Variants in FGD6 observed in about 807,000 individuals in gnomAD.
FGD6 encodes FYVE, RhoGEF and PH domain containing 6.
FGD6 carries 90 observed loss-of-function variants against 149.4 expected under a neutral mutation model. The ratio of observed to expected loss-of-function variants is 0.60; its 90% CI spans 0.51 to 0.72. The LOEUF is 0.72. Among genes scored for constraint, FGD6 ranks in the 30% least tolerant of loss-of-function variants. The pLI, the probability that FGD6 is intolerant of heterozygous loss-of-function variation, is 0.00. For synonymous variants in FGD6, 527 were observed against 584.0 expected, an observed-to-expected ratio of 0.90 and a Z score of 1.41; for missense variants, 1,437 against 1,684.8, an observed-to-expected ratio of 0.85 and a Z score of 2.57.
At chr12:95,140,294 A>G (rs1316665649) in intron 6 of FGD6, among the ~76,000 whole-genome samples, 1 of 152,196 alleles carries the variant, frequency 6.6e-6, no homozygotes, top group Non-Finnish European at 1.5e-5. Flanking sequence ...GTAGCTTCCA[A>G]TACCAACCTT....
At chr12:95,207,420 T>G (rs1446334242) in intron 2 of FGD6, among the ~76,000 whole-genome samples, 1 of 152,188 alleles carries the variant, frequency 6.6e-6, no homozygotes, top group Non-Finnish European at 1.5e-5. Context: ...TGCCAAGTAT[T>G]TTCTAGAAAA....
chr12:95,189,949 C>G (rs1434653025), intron 2 of FGD6, among the ~76,000 whole-genome samples: 2 of 152,160 alleles, frequency 1.3e-5, no homozygotes, highest in African/African-American at 4.8e-5. Context: ...TACTAACTTT[C>G]ATTGTAAAAG....
At chr12:95,149,330 A>AATATATTATATAATATATAGCAT in intron 5 of FGD6, among the ~76,000 whole-genome samples, 1 of 90,576 alleles carries the variant, frequency 1.1e-5, no homozygotes, top group African/African-American at 4.4e-5. Context: ...TATATTATAT[A>AATATATTATATAATATATAGCAT]ATATATTATA....
intron 2 of FGD6, among the ~76,000 whole-genome samples, chr12:95,174,880 C>T (rs1028016921): frequency 1.5e-4 from 21 of 139,188 alleles, no homozygotes; most frequent in Non-Finnish European, 2.7e-4. Context: ...TGAGCCGAGG[C>T]TGCACCACTG....
chr12:95,142,125 G>C (rs1231109827), intron 5 of FGD6, among the ~76,000 whole-genome samples: 2 of 148,686 alleles, frequency 1.3e-5, no homozygotes, highest in African/African-American at 4.9e-5. Context: ...GTGCCACCAT[G>C]CCAGGCTCAC....
chr12:95,143,741 T>C (rs540855276), intron 5 of FGD6, among the ~76,000 whole-genome samples: 2 of 152,344 alleles, frequency 1.3e-5, no homozygotes, highest in Admixed American at 6.5e-5. Context: ...TCTGCTATCA[T>C]GCAGGGCTAT....
chr12:95,118,933 C>A (rs1376106375), intron 8 of FGD6, among the ~76,000 whole-genome samples: 2 of 152,148 alleles, frequency 1.3e-5, no homozygotes, highest in African/African-American at 4.8e-5. Context: ...AACATACTGA[C>A]ACTTCAAGGC....
intron 3 of FGD6, among the ~76,000 whole-genome samples, chr12:95,154,133 T>C (rs535690275): frequency 3.3e-5 from 5 of 152,206 alleles, no homozygotes; most frequent in Admixed American, 3.3e-4. Context: ...CTAATTTTTT[T>C]GTACTTTTAG....
rs953559587 is a variant in FGD6 at position 95,079,648 on chromosome 12, A to G, written c.*1872T>C. 2.0e-5 allele frequency: 3 copies of G among 152,212 alleles called. No homozygotes were observed. Among genetic ancestry groups the G allele is most frequent in the Non-Finnish European group, 4.4e-5 (3 of 68,038 alleles). The allele number at this position is 152,212 out of a possible 1,614,324, so 9.4% of individuals were successfully genotyped here. A position where few individuals can be genotyped will look rare whatever the true frequency, so the allele number is the denominator to read the frequency against. On this transcript the variant is annotated 3_prime_UTR_variant, in exon 21 of 21. Transcript: ENST00000343958. ...TCTTGATTATATAAAATTGAGCTAC[A>G]AAGAAATTTTAGTGTACCTGCTATG...
chr12:95,150,581 C>A (rs1243289594), intron 5 of FGD6, among the ~76,000 whole-genome samples: 28 of 151,862 alleles, frequency 1.8e-4, no homozygotes, highest in Admixed American at 1.8e-3. Context: ...AGTAAGCTTG[C>A]CACTCAATAA....
intron 8 of FGD6, among the ~76,000 whole-genome samples, chr12:95,117,288 ACT>A (rs1046566533): frequency 1.3e-5 from 2 of 152,130 alleles, no homozygotes; most frequent in Admixed American, 6.5e-5. Flanking sequence ...TACAAAATGT[ACT>A]CTCTGGCCAC....
chr12:95,131,635 G>A (rs192307306), intron 8 of FGD6, among the ~76,000 whole-genome samples: 8 of 152,240 alleles, frequency 5.3e-5, no homozygotes, highest in Non-Finnish European at 1.2e-4. Context: ...TTAAGCAATG[G>A]AAGAAAAGGC....
Position 95,108,574 on chromosome 12 carries a change from G to A in FGD6, c.3134-13C>T, listed in dbSNP as rs1199550931. 6.2e-7 allele frequency: 1 copy of A among 1,613,840 alleles called. No homozygotes were observed. The highest frequency in any genetic ancestry group is 8.5e-7 in the Non-Finnish European group (1 of 1,179,780). On this transcript the variant is annotated splice_polypyrimidine_tract_variant and intron_variant, in intron 9 of 20. Coordinates refer to ENST00000343958, the MANE Select transcript of FGD6 (RefSeq NM_018351.4). ...ACAGCAAGGGCATCTGAAATAGGCA[G>A]GAACAAAACGTGCATTTAGTAATTA...
chr12:95,175,412 G>A lies in FGD6; in HGVS notation c.2442-2668C>T, dbSNP rs541857591. On this transcript the variant is annotated intron_variant, in intron 2 of 20. Coordinates refer to ENST00000343958, the MANE Select transcript of FGD6 (RefSeq NM_018351.4). ...GGTGCAGGTGGCCTGAACCAGGGTG[G>A]CTACATCAGGAATTGAGAGAAAGGG... Among the ~76,000 whole-genome samples the A allele has an allele frequency of 1.1e-4, 16 of 152,192 alleles. No homozygotes were observed. In the East Asian group the frequency reaches 3.1e-3, roughly 29 times the overall value.
chr12:95,092,978 T>TG, intron 15 of FGD6, 133 bp from the exon 16 acceptor site: 3 of 1,019,012 alleles, frequency 2.9e-6, no homozygotes, highest in Non-Finnish European at 4.3e-6. Flanking sequence ...CCCAGCATTT[T>TG]GGGAGGCCGA....
intron 2 of FGD6, among the ~76,000 whole-genome samples, chr12:95,199,193 T>C (rs1189052786): frequency 1.3e-5 from 2 of 152,188 alleles, no homozygotes; most frequent in South Asian, 2.1e-4. Context: ...TTTTGGAATT[T>C]CCCATTTCTG....
intron 5 of FGD6, among the ~76,000 whole-genome samples, chr12:95,149,354 A>G (rs1335598183): frequency 1.8e-5 from 2 of 113,020 alleles, no homozygotes; most frequent in East Asian, 4.6e-4. Context: ...TATATAGCAT[A>G]TATTATATTA....
At chr12:95,198,471 G>A (rs1403326244) in intron 2 of FGD6, among the ~76,000 whole-genome samples, 2 of 151,950 alleles carry the variant, frequency 1.3e-5, no homozygotes, top group Non-Finnish European at 2.9e-5. Flanking sequence ...CAAGAGTCTC[G>A]CTCTGTCACC....
chr12:95,185,857 T>C (rs2136290567), intron 2 of FGD6, among the ~76,000 whole-genome samples: 1 of 152,246 alleles, frequency 6.6e-6, no homozygotes, highest in Admixed American at 6.5e-5. Context: ...CAAGACTCCA[T>C]CTCAAAAATA....
Sources: gnomAD v4.1 joint callset for allele counts (sites outside exome capture counted in the v4.1 genomes callset) on GRCh38, gnomAD v4.1.1 for gene constraint, MANE v1.5 for transcripts, NCBI Gene and HGNC (gene_info 2026-07-23, HGNC 2026-07-21) for gene names.